F13A1: variants seen among roughly 807,000 people sequenced by gnomAD.
The protein encoded by F13A1 is FSF, A subunit.
Under a neutral mutation model 80.1 loss-of-function variants are expected in F13A1, and 47 were observed. The ratio of observed to expected loss-of-function variants is 0.59; its 90% CI spans 0.46 to 0.75. The LOEUF is 0.75. Among genes scored for constraint, F13A1 ranks in the 30% least tolerant of loss-of-function variants. The probability of loss-of-function intolerance (pLI) is 0.00; values close to 1 mark genes in which losing one functional copy is unlikely to be tolerated. For synonymous variants in F13A1, 349 were observed against 344.9 expected (o/e 1.01, Z -0.13); for missense variants, 817 against 930.4 (o/e 0.88, Z 1.59).
intron 3 of F13A1, among the ~76,000 whole-genome samples, chr6:6,290,880 G>T (rs975751176): frequency 6.6e-6 from 1 of 152,152 alleles, no homozygotes; most frequent in Non-Finnish European, 1.5e-5. Flanking sequence ...AAGAGTATAG[G>T]CTAAGAAATA....
rs369083276 is a variant in F13A1, at chr6:6,222,084, A to T, written c.1061T>A (p.Phe354Tyr). 1.1e-5 allele frequency: 18 copies of T among 1,613,982 alleles called. No individual in the cohort carries two copies. The highest frequency in any genetic ancestry group is 1.3e-5 in the Non-Finnish European group (15 of 1,179,978). Residue 354 changes from phenylalanine to tyrosine, a missense_variant, in exon 8 of 15, where the codon TTC becomes TAC. Phe to Tyr is a conservative substitution (Grantham distance 22). Coordinates refer to ENST00000264870, the MANE Select transcript of F13A1 (RefSeq NM_000129.4). ...ATTCACGTTCCCATCTTCTTCCAGG[A>T]AGATGTCCATTTGCAAATTGGCATC... ...DNDANLQMDI[F>Y]LEEDGNVNSK... is the part of the protein sequence containing the mutation.
intron 8 of F13A1, among the ~76,000 whole-genome samples, chr6:6,206,158 A>C (rs1761485153): frequency 6.6e-6 from 1 of 152,212 alleles, no homozygotes; most frequent in Non-Finnish European, 1.5e-5. Flanking sequence ...TAGGTACCAA[A>C]GTTACTGTTT....
In F13A1 at chr6:6,209,380, T is replaced by A. The variant is rs533866238; in HGVS notation, c.1113-12054A>T. On this transcript the variant is annotated intron_variant, in intron 8 of 14. Transcript: ENST00000264870. ...ATTTGCAAGAATATGAAGTTGGAAC[T>A]TTTGTGTATTGCTAGTGGGAATACA... is the stretch of plus-strand genomic sequence containing the variant. Among the ~76,000 whole-genome samples, 436 of 150,588 alleles carry A rather than the reference T, an allele frequency of 2.9e-3. 4 individuals are homozygous for A. Among genetic ancestry groups the A allele is most frequent in the African/African-American group, 0.01 (418 of 41,050 alleles).
chr6:6,266,891 G>A lies in F13A1; in HGVS notation c.320-82C>T, dbSNP rs1757853239. ...CTCACTCTGTTATCTTATAGCTGAA[G>A]GGACAGGAGTAATCCATTAGAATTA... On this transcript the variant is annotated intron_variant, in intron 3 of 14. Transcript: ENST00000264870. 16 of 1,562,348 alleles carry A rather than the reference G, an allele frequency of 1.0e-5. No individual in the cohort carries two copies. The South Asian group carries it at 1.8e-4, about 17-fold the overall frequency.
At chr6:6,274,364 A>G (rs1757960115) in intron 3 of F13A1, among the ~76,000 whole-genome samples, 1 of 152,226 alleles carries the variant, frequency 6.6e-6, no homozygotes, top group South Asian at 2.1e-4. Flanking sequence ...TGGGATATAC[A>G]TGAAACCAGC....
intron 3 of F13A1, among the ~76,000 whole-genome samples, chr6:6,296,684 G>A (rs1456880493): frequency 0.018 from 2,553 of 139,954 alleles, 42 homozygotes; most frequent in Admixed American, 0.055. Flanking sequence ...CAATCATGTC[G>A]TCTGCAAACA....
chr6:6,161,199 C>A (rs9392752), intron 13 of F13A1, among the ~76,000 whole-genome samples: 24,198 of 151,982 alleles, frequency 0.16, 2,079 homozygotes, highest in East Asian at 0.26. Context: ...ACAGGGAATG[C>A]TGCATACACT....
At chr6:6,204,949 A>C (rs1761459753) in intron 8 of F13A1, among the ~76,000 whole-genome samples, 1 of 152,200 alleles carries the variant, frequency 6.6e-6, no homozygotes, top group Non-Finnish European at 1.5e-5. Context: ...GTCCTCTCTG[A>C]GGCTCAGCTG....
At chr6:6,296,826 G>A (rs1758335900) in intron 3 of F13A1, among the ~76,000 whole-genome samples, 3 of 147,880 alleles carry the variant, frequency 2.0e-5, no homozygotes, top group African/African-American at 7.9e-5. Context: ...TCTTGTGCCA[G>A]TTTTCAAAGG....
In F13A1 at chr6:6,144,366, A is replaced by G. The variant is rs1803604; in HGVS notation, c.*1253T>C. 129 of 152,302 alleles carry G rather than the reference A, an allele frequency of 8.5e-4. No homozygotes were observed. The highest frequency in any genetic ancestry group is 2.9e-3 in the African/African-American group (119 of 41,566). The allele number at this position is 152,302 out of a possible 1,614,324, so 9.4% of individuals were successfully genotyped here. A position where few individuals can be genotyped will look rare whatever the true frequency, so the allele number is the denominator to read the frequency against. ...AGCATTCCATTCTGATTTTGCCCCC[A>G]GTATACTTATCACTGTTCATTTTTT... On this transcript the variant is annotated 3_prime_UTR_variant, in exon 15 of 15. Coordinates refer to ENST00000264870, the MANE Select transcript of F13A1 (RefSeq NM_000129.4).
chr6:6,235,071 A>G (rs1757397440), intron 6 of F13A1, among the ~76,000 whole-genome samples: 1 of 152,050 alleles, frequency 6.6e-6, no homozygotes, highest in South Asian at 2.1e-4. Flanking sequence ...AGGTGGCATC[A>G]ATTGGATATT....
intron 6 of F13A1, among the ~76,000 whole-genome samples, chr6:6,240,752 C>T (rs1757473750): frequency 6.6e-6 from 1 of 152,008 alleles, no homozygotes; most frequent in Admixed American, 6.6e-5. Flanking sequence ...AATGAAAATC[C>T]CTGGTGAATA....
chr6:6,203,526 G>GCAT (rs1761435672), intron 8 of F13A1, among the ~76,000 whole-genome samples: 1 of 152,176 alleles, frequency 6.6e-6, no homozygotes, highest in Non-Finnish European at 1.5e-5. Flanking sequence ...GAAGATAGAA[G>GCAT]CATCTATGAG....
chr6:6,277,717 C>T (rs944713607), intron 3 of F13A1, among the ~76,000 whole-genome samples: 4 of 152,254 alleles, frequency 2.6e-5, no homozygotes, highest in East Asian at 1.9e-4. Flanking sequence ...CACTACAATG[C>T]ATTCCTGTCC....
chr6:6,145,850 C>G, intron 14 of F13A1, 78 bp from the exon 15 acceptor site: 1 of 1,594,494 alleles, frequency 6.3e-7, no homozygotes, highest in East Asian at 2.2e-5. Context: ...AAACTCTTGC[C>G]TAAGTCACTT....
intron 14 of F13A1, among the ~76,000 whole-genome samples, chr6:6,148,394 C>A (rs1246106150): frequency 6.6e-6 from 1 of 152,178 alleles, no homozygotes. Context: ...AGGCCCTCTG[C>A]TTTGGGTTCA....
intron 7 of F13A1, 36 bp from the exon 8 acceptor site, chr6:6,222,207 C>G (rs752074968): frequency 1.2e-6 from 2 of 1,613,420 alleles, no homozygotes; most frequent in Non-Finnish European, 1.7e-6. Flanking sequence ...AAACACATCA[C>G]CAGCATTTAA....
intron 12 of F13A1, among the ~76,000 whole-genome samples, chr6:6,170,533 G>A (rs1760754413): frequency 6.6e-6 from 1 of 152,208 alleles, no homozygotes; most frequent in South Asian, 2.1e-4. Flanking sequence ...CGGTAGGGCT[G>A]GGATGCTGCC....
At chr6:6,256,503 C>T (rs937135949) in intron 4 of F13A1, among the ~76,000 whole-genome samples, 12 of 152,220 alleles carry the variant, frequency 7.9e-5, no homozygotes, top group Admixed American at 7.8e-4. Context: ...CAAAATGCCT[C>T]GTAAATAACC....
Sources: gnomAD v4.1 joint callset for allele counts (sites outside exome capture counted in the v4.1 genomes callset) on GRCh38, gnomAD v4.1.1 for gene constraint, MANE v1.5 for transcripts, NCBI Gene and HGNC (gene_info 2026-07-23, HGNC 2026-07-21) for gene names.